ZBTB20: variants seen among roughly 807,000 people sequenced by gnomAD.
The protein encoded by ZBTB20 is zinc finger and BTB domain-containing protein 20.
ZBTB20 carries 9 observed loss-of-function variants against 56.9 expected under a neutral mutation model. The ratio of observed to expected loss-of-function variants is 0.16; its 90% CI spans 0.10 to 0.28. ZBTB20 has a LOEUF of 0.28. Ranked by LOEUF, ZBTB20 falls within the 10% of genes least tolerant of loss-of-function variation. ZBTB20 has a pLI of 1.00. For synonymous variants in ZBTB20, 417 were observed against 420.7 expected (o/e 0.99, Z 0.11); for missense variants, 655 against 1,003.0 (o/e 0.65, Z 4.69).
At chr3:114,783,748 G>A (rs1045642507) in intron 5 of ZBTB20, among the ~76,000 whole-genome samples, 5 of 148,942 alleles carry the variant, frequency 3.4e-5, no homozygotes, top group South Asian at 2.1e-4. Flanking sequence ...AGCTGAGATC[G>A]CGCCACTGCA....
chr3:114,869,947 G>A (rs1255008225), intron 4 of ZBTB20, among the ~76,000 whole-genome samples: 1 of 152,108 alleles, frequency 6.6e-6, no homozygotes, highest in Non-Finnish European at 1.5e-5. Flanking sequence ...CTGATAAAAA[G>A]TGTGTAATTA....
intron 5 of ZBTB20, among the ~76,000 whole-genome samples, chr3:114,721,062 T>G (rs1041698322): frequency 6.6e-6 from 1 of 152,132 alleles, no homozygotes; most frequent in Non-Finnish European, 1.5e-5. Flanking sequence ...AATTGAGATA[T>G]GTATTTGGGA....
At chr3:114,852,129 C>T (rs2075030855) in intron 4 of ZBTB20, among the ~76,000 whole-genome samples, 1 of 151,824 alleles carries the variant, frequency 6.6e-6, no homozygotes, top group South Asian at 2.1e-4. Context: ...GGTTTTTGGT[C>T]CCATTAGAGT....
chr3:115,088,437 C>T (rs1291313057), intron 1 of ZBTB20, among the ~76,000 whole-genome samples: 2 of 151,548 alleles, frequency 1.3e-5, no homozygotes, highest in African/African-American at 4.8e-5. Context: ...AAAAATGAAC[C>T]TTTTAATACA....
intron 2 of ZBTB20, among the ~76,000 whole-genome samples, chr3:115,050,698 G>C (rs972695137): frequency 6.6e-6 from 1 of 151,928 alleles, no homozygotes; most frequent in Admixed American, 6.6e-5. Context: ...GGCATAACTG[G>C]CATGTAAACT....
chr3:114,320,714 A>G lies in ZBTB20; in HGVS notation c.*18291T>C, dbSNP rs574826442. ...AGTAGAATTACATATTAATAATATAATAAAAAGATATTTCATTAACAGGTT... is the reference window on the plus strand; with the variant it reads ...AGTAGAATTACATATTAATAATATAGTAAAAAGATATTTCATTAACAGGTT... On this transcript the variant is annotated 3_prime_UTR_variant, in exon 12 of 12. Coordinates refer to ENST00000675478, the MANE Select transcript of ZBTB20 (RefSeq NM_001348800.3). The G allele has an allele frequency of 6.6e-6, 1 of 152,252 alleles. No homozygotes were observed. The highest frequency in any genetic ancestry group is 2.1e-4 in the South Asian group (1 of 4,818). 9.4% of individuals were successfully genotyped at this position (152,252 alleles called of 1,614,324 possible).
At chr3:114,340,520 G>A (rs963753556) in intron 11 of ZBTB20, among the ~76,000 whole-genome samples, 32 of 152,172 alleles carry the variant, frequency 2.1e-4, no homozygotes, top group African/African-American at 6.8e-4. Context: ...GATCAAGTTT[G>A]TTACAAACAG....
At chr3:115,028,293 G>T (rs1161476278) in intron 2 of ZBTB20, among the ~76,000 whole-genome samples, 1 of 150,706 alleles carries the variant, frequency 6.6e-6, no homozygotes, top group African/African-American at 2.4e-5. Flanking sequence ...GCCTAAAACA[G>T]TACAGCAAAG....
At position 114,862,095 on chromosome 3, in the gene ZBTB20, T is replaced by C. The variant is rs530032513; in HGVS notation, c.-417+38209A>G. ...ATAAACACCAATTCACTGAGGTATTTTTTTGGTAGAAAAAAGTGTCTATCA... is the reference window on the plus strand; with the variant it reads ...ATAAACACCAATTCACTGAGGTATTCTTTTGGTAGAAAAAAGTGTCTATCA... On this transcript the variant is annotated intron_variant, in intron 4 of 11. Transcript: ENST00000675478. Among the ~76,000 whole-genome samples, 5 of 152,362 alleles carry C rather than the reference T, an allele frequency of 3.3e-5. No individual in the cohort carries two copies. The South Asian group carries it at 8.3e-4, about 25-fold the overall frequency.
At chr3:114,663,699 C>G (rs1039149842) in intron 6 of ZBTB20, among the ~76,000 whole-genome samples, 2 of 151,498 alleles carry the variant, frequency 1.3e-5, no homozygotes. Context: ...GGAAGATCTA[C>G]CAAGCAAATG....
rs1207190990 is a variant in ZBTB20, at chr3:114,326,141, T to C, written c.*12864A>G. 1.3e-5 allele frequency: 2 copies of C among 152,170 alleles called. No homozygotes were observed. The highest frequency in any genetic ancestry group is 4.8e-5 in the African/African-American group (2 of 41,440). The allele number at this position is 152,170 out of a possible 1,614,324, so 9.4% of individuals were successfully genotyped here. On this transcript the variant is annotated 3_prime_UTR_variant, in exon 12 of 12. Coordinates refer to ENST00000675478, the MANE Select transcript of ZBTB20 (RefSeq NM_001348800.3). ...ATAAAAATCAACAGATCAATTGATT[T>C]TGGCATTTCGGCAGCACCCCTTCCT...
intron 3 of ZBTB20, among the ~76,000 whole-genome samples, chr3:114,973,651 T>G (rs1386415428): frequency 6.6e-6 from 1 of 152,198 alleles, no homozygotes; most frequent in Non-Finnish European, 1.5e-5. Context: ...AAACTGATGG[T>G]TGGATCGCAC....
chr3:114,809,799 T>C (rs887346278), intron 4 of ZBTB20, among the ~76,000 whole-genome samples: 1 of 152,242 alleles, frequency 6.6e-6, no homozygotes, highest in Non-Finnish European at 1.5e-5. Flanking sequence ...ACATTTTATA[T>C]AGCATATTAC....
chr3:115,016,156 T>C (rs2079946738), intron 2 of ZBTB20, among the ~76,000 whole-genome samples: 1 of 152,136 alleles, frequency 6.6e-6, no homozygotes, highest in East Asian at 1.9e-4. Flanking sequence ...CACTTTTTAA[T>C]GGGATTGTTT....
At chr3:114,937,425 CTTCTTTTTT>C (rs1011511271) in intron 3 of ZBTB20, among the ~76,000 whole-genome samples, 4 of 150,848 alleles carry the variant, frequency 2.7e-5, no homozygotes, top group African/African-American at 9.7e-5. Context: ...TCTTCTTCTT[CTTCTTTTTT>C]TTTTTTAGAT....
At chr3:114,889,458 A>G (rs1331565297) in intron 4 of ZBTB20, among the ~76,000 whole-genome samples, 1 of 152,014 alleles carries the variant, frequency 6.6e-6, no homozygotes, top group Non-Finnish European at 1.5e-5. Context: ...TTTTTCTCAG[A>G]CACTGGTCTC....
chr3:114,453,621 C>T (rs979602945), intron 7 of ZBTB20: 2 of 152,010 alleles, frequency 1.3e-5, no homozygotes, highest in African/African-American at 4.8e-5. Context: ...AGAGAAGATG[C>T]ATCCTGAACA....
At chr3:114,982,592 AT>A (rs111971207) in intron 2 of ZBTB20, among the ~76,000 whole-genome samples, 290 of 152,136 alleles carry the variant, frequency 1.9e-3, no homozygotes, top group African/African-American at 6.6e-3. Context: ...ATTCCATTTA[AT>A]TTTTATTGAA....
At chr3:114,523,300 A>C (rs552346992) in intron 6 of ZBTB20, among the ~76,000 whole-genome samples, 1 of 152,316 alleles carries the variant, frequency 6.6e-6, no homozygotes, top group Non-Finnish European at 1.5e-5. Context: ...GTTTTACTAG[A>C]CTGGTAGGTG....
Sources: allele counts gnomAD v4.1 joint callset (sites outside exome capture counted in the v4.1 genomes callset), GRCh38; gene constraint gnomAD v4.1.1; transcripts MANE v1.5; gene names NCBI Gene and HGNC (gene_info 2026-07-23, HGNC 2026-07-21).